ZNF782: variants seen among roughly 807,000 people sequenced by gnomAD.
ZNF782 encodes zinc finger protein 782.
A neutral mutation model predicts 13.0 loss-of-function variants in ZNF782; 12 were observed. That is an observed-to-expected ratio of 0.92 (90% confidence interval 0.59 to 1.50). The LOEUF (loss-of-function observed/expected upper bound fraction) is 1.50, where lower values mean the gene tolerates loss of function less well. Among genes scored for constraint, ZNF782 ranks in the 40% most tolerant of loss-of-function variants. The pLI is 0.00. For missense variants in ZNF782, 770 were observed against 822.9 expected (o/e 0.94, Z 0.79); for synonymous variants, 284 against 283.0 (o/e 1.00, Z -0.04).
chr9:96,869,546 G>T (rs1049525279), intron 1 of ZNF782, among the ~76,000 whole-genome samples: 1 of 152,130 alleles, frequency 6.6e-6, no homozygotes, highest in Non-Finnish European at 1.5e-5. Context: ...ACTGTATAAG[G>T]TATGTGTGTC....
rs180837897 is a variant in ZNF782, at chr9:96,854,058, C to T, written c.-262+30G>A. On this transcript the variant is annotated intron_variant, in intron 1 of 5. Transcript: ENST00000481138. The stretch of plus-strand genomic sequence containing the variant: ...CTCATCCACGTCCCTACATTCGCCT[C>T]GGCTTCCAGTTGACAGAGATGGAAC... The T allele has an allele frequency of 2.3e-3, 347 of 152,404 alleles. 3 individuals carry two copies. Among genetic ancestry groups the T allele is most frequent in the African/African-American group, 7.8e-3 (326 of 41,592 alleles). The allele number at this position is 152,404 out of a possible 1,614,324, so 9.4% of individuals were successfully genotyped here.
At chr9:96,892,160 G>A in the ZNF782 span, 2 of 152,086 alleles carry the variant, frequency 1.3e-5, no homozygotes, top group African/African-American at 4.8e-5. Context: ...ACTGCCCCTG[G>A]GTATATGCCC....
At chr9:96,871,519 G>A (rs376147187) in intron 1 of ZNF782, among the ~76,000 whole-genome samples, 12 of 152,172 alleles carry the variant, frequency 7.9e-5, no homozygotes, top group East Asian at 3.9e-4. Flanking sequence ...ATCTGCTATC[G>A]TCAAGAAGGA....
At chr9:96,875,659 G>T, upstream of ZNF782, 2 of 453,158 alleles carry the variant, frequency 4.4e-6, no homozygotes, top group South Asian at 3.1e-5. Flanking sequence ...AGCTCCACCT[G>T]CGTCCCCGGG....
the ZNF782 span, chr9:96,931,935 G>C: frequency 6.2e-7 from 1 of 1,611,998 alleles, no homozygotes; most frequent in South Asian, 1.1e-5. Context: ...AGTGGGGCTG[G>C]GGCTTCCAAC....
rs549296322 is a variant in ZNF782, at chr9:96,851,428, G to C, written c.15+519C>G. Among the ~76,000 whole-genome samples, 3 of 152,154 alleles carry C rather than the reference G, an allele frequency of 2.0e-5. No homozygotes were observed. In the South Asian group the frequency reaches 6.2e-4, roughly 32 times the overall value. On this transcript the variant is annotated intron_variant, in intron 3 of 5. Transcript: ENST00000481138. ...CTCATTTTTCTAAATTATTAGAAAA[G>C]AAGAAACAAGAAAAAGTGCCCCATT... is the stretch of plus-strand genomic sequence containing the variant.
At chr9:96,876,943 C>CAAAAAAAAAAAAAAAA (rs398011569), upstream of ZNF782, among the ~76,000 whole-genome samples, 11 of 42,818 alleles carry the variant, frequency 2.6e-4, no homozygotes, top group East Asian at 1.7e-3. Context: ...AACTCCGACT[C>CAAAAAAAAAAAAAAAA]AAAAAAAAAA....
the ZNF782 span, among the ~76,000 whole-genome samples, chr9:96,932,716 G>T: frequency 6.6e-6 from 1 of 150,850 alleles, no homozygotes; most frequent in Non-Finnish European, 1.5e-5. Flanking sequence ...GCAATGGCGC[G>T]ATCTCAGCTC....
the ZNF782 span, among the ~76,000 whole-genome samples, chr9:96,905,923 T>C: frequency 3.3e-5 from 5 of 152,098 alleles, no homozygotes; most frequent in African/African-American, 1.2e-4. Flanking sequence ...TTCACTTTAC[T>C]CTATGGACTT....
intron 1 of ZNF782, among the ~76,000 whole-genome samples, chr9:96,874,460 C>T (rs1183285894): frequency 1.3e-5 from 2 of 152,154 alleles, no homozygotes; most frequent in East Asian, 3.9e-4. Flanking sequence ...CCACCCTCTG[C>T]CTGCTTACCT....
the ZNF782 span, among the ~76,000 whole-genome samples, chr9:96,925,346 G>A: frequency 6.6e-6 from 1 of 151,908 alleles, no homozygotes; most frequent in Non-Finnish European, 1.5e-5. Context: ...TCCTAGAAAC[G>A]AGAGAGTCTG....
chr9:96,912,067 G>C, the ZNF782 span, among the ~76,000 whole-genome samples: 1 of 150,856 alleles, frequency 6.6e-6, no homozygotes, highest in African/African-American at 2.4e-5. Flanking sequence ...CGGGCGTGGT[G>C]GCTCATGCCT....
chr9:96,932,469 G>T, the ZNF782 span: 1 of 1,224,704 alleles, frequency 8.2e-7, no homozygotes, highest in Non-Finnish European at 1.2e-6. Context: ...CTCATAAAGA[G>T]GCTGCTGGAT....
chr9:96,860,388 A>G (rs931145139), exon 3 of ZNF782: 5 of 152,194 alleles, frequency 3.3e-5, no homozygotes, highest in African/African-American at 4.8e-5. Context: ...GGGGTGTTGT[A>G]TTGCTCCTCT....
chr9:96,862,751 G>A (rs923355541), intron 1 of ZNF782, among the ~76,000 whole-genome samples: 20 of 152,320 alleles, frequency 1.3e-4, no homozygotes, highest in African/African-American at 4.8e-4. Context: ...GAAAGTTGAA[G>A]AAGCTAGTGT....
the ZNF782 span, among the ~76,000 whole-genome samples, chr9:96,884,471 A>C: frequency 6.6e-6 from 1 of 152,178 alleles, no homozygotes; most frequent in Non-Finnish European, 1.5e-5. Context: ...TGATATCAAC[A>C]ATATGCAGAG....
At chr9:96,915,763 CAGG>C in the ZNF782 span, among the ~76,000 whole-genome samples, 23 of 151,572 alleles carry the variant, frequency 1.5e-4, no homozygotes, top group African/African-American at 4.8e-4. Flanking sequence ...TGGCAGTGAG[CAGG>C]AGAAGCAGCT....
chr9:96,908,044 T>A, the ZNF782 span, among the ~76,000 whole-genome samples: 1 of 151,952 alleles, frequency 6.6e-6, no homozygotes, highest in Non-Finnish European at 1.5e-5. Flanking sequence ...GGAAATATAT[T>A]CTTAAATAAA....
upstream of ZNF782, chr9:96,875,707 G>T (rs928226639): frequency 2.4e-6 from 1 of 414,888 alleles, no homozygotes; most frequent in Non-Finnish European, 4.8e-6. Flanking sequence ...GGGTCCCCCC[G>T]GGCTTCCCGT....
Sources: allele counts gnomAD v4.1 joint callset (sites outside exome capture counted in the v4.1 genomes callset), GRCh38; gene constraint gnomAD v4.1.1; transcripts MANE v1.5; gene names NCBI Gene and HGNC (gene_info 2026-07-23, HGNC 2026-07-21).